Variants in ASIC2 observed in about 807,000 individuals in gnomAD.
The protein encoded by ASIC2 is acid-sensing ion channel 2.
A neutral mutation model predicts 57.3 loss-of-function variants in ASIC2; 25 were observed. The observed-to-expected ratio is 0.44, with a 90% CI of 0.32 to 0.61. The LOEUF (loss-of-function observed/expected upper bound fraction) is 0.61. Ranked by LOEUF, ASIC2 falls within the 20% of genes least tolerant of loss-of-function variation. The probability of loss-of-function intolerance (pLI) is 0.06; values close to 1 mark genes in which losing one functional copy is unlikely to be tolerated. For synonymous variants in ASIC2, 319 were observed against 307.5 expected, an observed-to-expected ratio of 1.04 and a Z score of -0.39; for missense variants, 641 against 738.1, an observed-to-expected ratio of 0.87 and a Z score of 1.52.
rs11080255 is a variant in ASIC2, at chr17:34,152,568, T to A, written c.555+3410A>T. On this transcript the variant is annotated intron_variant, in intron 1 of 9. Coordinates refer to the ASIC2 transcript ENST00000359872. ...CTTTACTCATCAGGTCTGACTCCTG[T>A]GAATAGCCCGACTACTAATATGGAA... 2.0e-5 allele frequency among the ~76,000 whole-genome samples: 3 copies of A among 151,916 alleles called. No homozygotes were observed. In the East Asian group the frequency reaches 5.8e-4, roughly 29 times the overall value.
At chr17:33,440,199 C>G (rs1250636558) in intron 1 of ASIC2, among the ~76,000 whole-genome samples, 2 of 152,186 alleles carry the variant, frequency 1.3e-5, no homozygotes, top group Non-Finnish European at 2.9e-5. Flanking sequence ...CTAGCTGTCT[C>G]TGTAAATTTA....
At chr17:33,617,109 GC>G (rs1378205459) in intron 1 of ASIC2, among the ~76,000 whole-genome samples, 3 of 152,214 alleles carry the variant, frequency 2.0e-5, no homozygotes, top group Non-Finnish European at 4.4e-5. Context: ...TAAGTAGAAA[GC>G]ACCCTAGGCT....
chr17:33,399,396 G>A (rs1910199512), intron 1 of ASIC2, among the ~76,000 whole-genome samples: 1 of 152,192 alleles, frequency 6.6e-6, no homozygotes, highest in East Asian at 1.9e-4. Context: ...CGATCAGGAG[G>A]AGGGCTTGTC....
intron 1 of ASIC2, among the ~76,000 whole-genome samples, chr17:33,353,484 C>A (rs2142251348): frequency 6.6e-6 from 1 of 152,204 alleles, no homozygotes; most frequent in South Asian, 2.1e-4. Context: ...CAGGTATATG[C>A]CACTGCACCT....
chr17:33,590,346 C>T (rs1391927651), intron 1 of ASIC2, among the ~76,000 whole-genome samples: 1 of 152,108 alleles, frequency 6.6e-6, no homozygotes, highest in Non-Finnish European at 1.5e-5. Flanking sequence ...CATTGTTGTC[C>T]TCTTTGTTAG....
chr17:33,944,796 T>C (rs1174566676), intron 1 of ASIC2, among the ~76,000 whole-genome samples: 3 of 152,170 alleles, frequency 2.0e-5, no homozygotes, highest in East Asian at 3.9e-4. Flanking sequence ...GTGGCCTCTG[T>C]CCCTCTTGGC....
intron 1 of ASIC2, among the ~76,000 whole-genome samples, chr17:33,313,695 G>T (rs560717932): frequency 2.0e-5 from 3 of 152,130 alleles, no homozygotes; most frequent in Admixed American, 6.5e-5. Flanking sequence ...TCTCTGGAAA[G>T]CTGATTGAAT....
At chr17:33,369,563 C>G (rs1908962280) in intron 1 of ASIC2, among the ~76,000 whole-genome samples, 1 of 152,170 alleles carries the variant, frequency 6.6e-6, no homozygotes, top group Non-Finnish European at 1.5e-5. Context: ...GAAAGCATAG[C>G]ACATGCCATG....
intron 1 of ASIC2, among the ~76,000 whole-genome samples, chr17:33,231,134 A>G (rs970802976): frequency 1.3e-5 from 2 of 152,180 alleles, no homozygotes; most frequent in Non-Finnish European, 2.9e-5. Context: ...CTCAGGATCA[A>G]ATGTCAACCT....
intron 1 of ASIC2, among the ~76,000 whole-genome samples, chr17:33,963,286 G>A (rs1448496081): frequency 1.3e-5 from 2 of 152,186 alleles, no homozygotes; most frequent in African/African-American, 4.8e-5. Context: ...TTTTCTGGGT[G>A]CATCAGGTCC....
intron 1 of ASIC2, among the ~76,000 whole-genome samples, chr17:33,996,828 T>G (rs1037627301): frequency 2.1e-4 from 32 of 152,356 alleles, no homozygotes; most frequent in African/African-American, 7.5e-4. Context: ...AAGGTTGTTT[T>G]GGCCATTCAG....
chr17:33,904,180 A>AAG, intron 1 of ASIC2, among the ~76,000 whole-genome samples: 1 of 151,154 alleles, frequency 6.6e-6, no homozygotes, highest in Non-Finnish European at 1.5e-5. Context: ...AAAAAAAAAA[A>AAG]AAAAAAAGAA....
chr17:33,967,491 T>C (rs1905108456), intron 1 of ASIC2, among the ~76,000 whole-genome samples: 1 of 152,118 alleles, frequency 6.6e-6, no homozygotes, highest in Admixed American at 6.5e-5. Context: ...CCCCTCAGCC[T>C]CCCAAAGTGC....
chr17:33,654,922 G>C (rs902979654), intron 1 of ASIC2, among the ~76,000 whole-genome samples: 3 of 152,136 alleles, frequency 2.0e-5, no homozygotes, highest in Admixed American at 6.5e-5. Flanking sequence ...TTGAGACCAG[G>C]AGTTTGAGAT....
chr17:33,663,448 C>T (rs1907359596), intron 1 of ASIC2, among the ~76,000 whole-genome samples: 1 of 137,106 alleles, frequency 7.3e-6, no homozygotes, highest in African/African-American at 3.2e-5. Context: ...CTAATGCCGT[C>T]GTTTTTTTTT....
At chr17:33,276,481 C>T (rs537037509) in intron 1 of ASIC2, among the ~76,000 whole-genome samples, 1 of 152,318 alleles carries the variant, frequency 6.6e-6, no homozygotes, top group South Asian at 2.1e-4. Context: ...ATATGCTGCT[C>T]AAAGACAAAA....
At chr17:33,070,944 T>C (rs139778791) in intron 3 of ASIC2, among the ~76,000 whole-genome samples, 77 of 152,300 alleles carry the variant, frequency 5.1e-4, no homozygotes, top group Non-Finnish European at 1.1e-3. Context: ...CTGTCTTCTC[T>C]GTTGCATTGT....
intron 1 of ASIC2, among the ~76,000 whole-genome samples, chr17:33,140,149 A>G (rs1476183463): frequency 6.6e-6 from 1 of 152,216 alleles, no homozygotes; most frequent in Non-Finnish European, 1.5e-5. Context: ...TGGGCTTTAA[A>G]TAAGCTTCTC....
chr17:33,062,634 T>C (rs568528323), intron 3 of ASIC2, among the ~76,000 whole-genome samples: 3 of 152,316 alleles, frequency 2.0e-5, no homozygotes, highest in African/African-American at 7.2e-5. Context: ...AGAATGTATA[T>C]TCTGTTGATT....
Sources: gnomAD v4.1 joint callset for allele counts (sites outside exome capture counted in the v4.1 genomes callset) on GRCh38, gnomAD v4.1.1 for gene constraint, MANE v1.5 for transcripts, NCBI Gene and HGNC (gene_info 2026-07-23, HGNC 2026-07-21) for gene names.